Variants in EML5 observed in about 807,000 individuals in gnomAD.
The protein encoded by EML5 is EMAP like 5, also known as echinoderm microtubule-associated protein-like 5.
Under a neutral mutation model 250.0 loss-of-function variants are expected in EML5, and 120 were observed. That is an observed-to-expected ratio of 0.48 (90% CI 0.41 to 0.56). The LOEUF (loss-of-function observed/expected upper bound fraction) is 0.56. Ranked by LOEUF, EML5 falls within the 20% of genes least tolerant of loss-of-function variation. The pLI is 0.00. For synonymous variants in EML5, 771 were observed against 806.5 expected, an observed-to-expected ratio of 0.96 and a Z score of 0.75; for missense variants, 2,006 against 2,437.6, an observed-to-expected ratio of 0.82 and a Z score of 3.73.
chr14:88,674,128 G>A lies in EML5; in HGVS notation c.3124+7762C>T, dbSNP rs534358610. ...TACTAAAAGTACAAAAATTAGCCAG[G>A]CATGGTAGCGCATGTCTGTAATCTC... On this transcript the variant is annotated intron_variant, in intron 21 of 43. Transcript: ENST00000554922. Among the ~76,000 whole-genome samples, 4 of 152,220 alleles carry A rather than the reference G, an allele frequency of 2.6e-5. No homozygotes were observed. In the South Asian group the frequency reaches 8.3e-4, roughly 32 times the overall value.
At chr14:88,785,705 A>C (rs892194295) in intron 1 of EML5, among the ~76,000 whole-genome samples, 7 of 151,854 alleles carry the variant, frequency 4.6e-5, no homozygotes, top group African/African-American at 1.7e-4. Flanking sequence ...ATACATAAAA[A>C]TTTGCTCTTT....
At chr14:88,680,457 A>C (rs2092692750) in intron 21 of EML5, among the ~76,000 whole-genome samples, 1 of 152,052 alleles carries the variant, frequency 6.6e-6, no homozygotes, top group East Asian at 1.9e-4. Flanking sequence ...GGCTTTCATA[A>C]ACCTTAGATT....
At chr14:88,676,746 A>G (rs1425154590) in intron 21 of EML5, among the ~76,000 whole-genome samples, 1 of 152,218 alleles carries the variant, frequency 6.6e-6, no homozygotes, top group Admixed American at 6.5e-5. Context: ...CTACAAGGCT[A>G]CAGTAACCAA....
chr14:88,771,545 C>T (rs2094393222), intron 1 of EML5, among the ~76,000 whole-genome samples: 3 of 152,160 alleles, frequency 2.0e-5, no homozygotes, highest in African/African-American at 7.2e-5. Flanking sequence ...GACCAATTAC[C>T]CATCATCCCA....
chr14:88,616,255 G>A lies in EML5; in HGVS notation c.5797-13C>T, dbSNP rs373857538. The A allele has an allele frequency of 8.1e-5, 130 of 1,611,992 alleles. No individual in the cohort carries two copies. The highest frequency in any genetic ancestry group is 1.1e-4 in the Non-Finnish European group (124 of 1,178,310). ...TTTTGTGTTTTGCCTAAAAAACAAT[G>A]ACAGACAAGCTCAGGGCATTTGGTG... On this transcript the variant is annotated splice_polypyrimidine_tract_variant and intron_variant, in intron 42 of 43. Transcript: ENST00000554922.
At chr14:88,674,543 T>G (rs1391299218) in intron 21 of EML5, among the ~76,000 whole-genome samples, 2 of 152,092 alleles carry the variant, frequency 1.3e-5, no homozygotes, top group African/African-American at 4.8e-5. Context: ...ATGATTCAAT[T>G]ACCTCCCACC....
chr14:88,715,213 A>G lies in EML5; in HGVS notation c.1188-18T>C, dbSNP rs1315206133. 2.6e-6 allele frequency: 4 copies of G among 1,555,578 alleles called. No homozygotes were observed. The highest frequency in any genetic ancestry group is 3.5e-6 in the Non-Finnish European group (4 of 1,151,520). ...TCATATCTCTGTTAAAAAGAAAAAA[A>G]TGAGACTACATGAACAGAAGTCACA... On this transcript the variant is annotated intron_variant, in intron 8 of 43. Coordinates refer to ENST00000554922, the MANE Select transcript of EML5 (RefSeq NM_183387.3).
At chr14:88,718,127 G>A (rs891927671) in intron 8 of EML5, among the ~76,000 whole-genome samples, 19 of 152,248 alleles carry the variant, frequency 1.2e-4, no homozygotes, top group African/African-American at 4.3e-4. Context: ...CATTAACTAG[G>A]ATACGGCCCA....
intron 19 of EML5, among the ~76,000 whole-genome samples, 184 bp from the exon 20 acceptor site, chr14:88,685,326 G>A (rs1005534202): frequency 1.3e-5 from 2 of 152,060 alleles, no homozygotes; most frequent in Non-Finnish European, 2.9e-5. Context: ...CTCTAAATAA[G>A]TACCACCTAT....
At chr14:88,638,759 G>C (rs771123166) in intron 32 of EML5, 50 bp downstream of exon 32, 5 of 1,427,984 alleles carry the variant, frequency 3.5e-6, no homozygotes, top group Non-Finnish European at 3.8e-6. Context: ...GAATTTATTT[G>C]AACAAAGCAA....
intron 34 of EML5, 145 bp from the exon 35 acceptor site, chr14:88,627,191 T>C (rs1206048246): frequency 1.4e-6 from 1 of 701,242 alleles, no homozygotes; most frequent in African/African-American, 1.8e-5. Context: ...TAGCAATACA[T>C]GATTTACAAT....
At chr14:88,665,729 G>T (rs2092288710) in intron 21 of EML5, among the ~76,000 whole-genome samples, 1 of 152,196 alleles carries the variant, frequency 6.6e-6, no homozygotes, top group Non-Finnish European at 1.5e-5. Flanking sequence ...GAGAGAAGAG[G>T]GAAGGGAAGA....
chr14:88,722,054 C>T (rs1374919238), intron 8 of EML5, among the ~76,000 whole-genome samples: 1 of 152,096 alleles, frequency 6.6e-6, no homozygotes, highest in Non-Finnish European at 1.5e-5. Context: ...CAAATCAAAA[C>T]CACATTGAGG....
intron 31 of EML5, among the ~76,000 whole-genome samples, chr14:88,641,763 T>G (rs1364085508): frequency 1.3e-5 from 2 of 152,066 alleles, no homozygotes; most frequent in Non-Finnish European, 2.9e-5. Context: ...TAATAAAAAC[T>G]AAAGCAGGTG....
intron 1 of EML5, among the ~76,000 whole-genome samples, chr14:88,785,663 C>T (rs981288226): frequency 4.6e-5 from 7 of 152,080 alleles, no homozygotes; most frequent in Non-Finnish European, 1.0e-4. Flanking sequence ...ATATGTGATC[C>T]ATTAGTAAAT....
intron 10 of EML5, among the ~76,000 whole-genome samples, chr14:88,709,666 A>G (rs919957276): frequency 2.0e-5 from 3 of 152,220 alleles, no homozygotes; most frequent in African/African-American, 7.2e-5. Flanking sequence ...GTATTTTCTT[A>G]TAACGTTCAC....
chr14:88,695,645 T>C (rs899030684), intron 15 of EML5, among the ~76,000 whole-genome samples, 191 bp from the exon 16 acceptor site: 6 of 152,118 alleles, frequency 3.9e-5, no homozygotes, highest in Non-Finnish European at 7.4e-5. Context: ...TCAAATCCTC[T>C]AAATGTATCT....
At chr14:88,744,165 A>G (rs1424887939) in intron 3 of EML5, 74 bp from the exon 4 acceptor site, 3 of 1,028,670 alleles carry the variant, frequency 2.9e-6, no homozygotes, top group Non-Finnish European at 4.2e-6. Context: ...AAAAGACCAA[A>G]TGGCCCAAAC....
intron 1 of EML5, among the ~76,000 whole-genome samples, chr14:88,769,601 A>G (rs2094365927): frequency 6.6e-6 from 1 of 152,208 alleles, no homozygotes; most frequent in Non-Finnish European, 1.5e-5. Context: ...TGAGGTAACA[A>G]ATAGTCATAT....
Sources: allele counts gnomAD v4.1 joint callset (sites outside exome capture counted in the v4.1 genomes callset), GRCh38; gene constraint gnomAD v4.1.1; transcripts MANE v1.5; gene names NCBI Gene and HGNC (gene_info 2026-07-23, HGNC 2026-07-21).